FBXO31: variants seen among roughly 807,000 people sequenced by gnomAD.
FBXO31 encodes the protein F-box only protein 31.
In FBXO31, 24 loss-of-function variants were observed where a neutral mutation model predicts 54.4. That is an observed-to-expected ratio of 0.44 (90% CI 0.32 to 0.62). The LOEUF (loss-of-function observed/expected upper bound fraction) is 0.62. Ranked by LOEUF, FBXO31 falls within the 20% of genes least tolerant of loss-of-function variation. The probability of loss-of-function intolerance (pLI) is 0.05; values close to 1 mark genes in which losing one functional copy is unlikely to be tolerated. For synonymous variants in FBXO31, 388 were observed against 335.6 expected (o/e 1.16, Z -1.71); for missense variants, 665 against 787.1 (o/e 0.84, Z 1.86).
At position 87,383,486 on chromosome 16, in the gene FBXO31, G is replaced by C; in HGVS notation, c.259C>G (p.Leu87Val). The C allele has an allele frequency of 6.3e-7, 1 of 1,590,088 alleles. No individual in the cohort carries two copies. Among genetic ancestry groups the C allele is most frequent in the Non-Finnish European group, 8.5e-7 (1 of 1,171,790 alleles). ...EIFASLPGTDLPSLAQVCTKF... is the reference protein window; with the variant it reads ...EIFASLPGTDVPSLAQVCTKF... Reference sequence around the variant, plus strand: ...GTGCAGACCTGGGCCAAGCTGGGTAGGTCCGTGCCCGGCAGCGACGCGAAG... The same window carrying C: ...GTGCAGACCTGGGCCAAGCTGGGTACGTCCGTGCCCGGCAGCGACGCGAAG... The change falls in exon 1 of 9, where the codon CTA becomes GTA. Residue 87 changes from leucine to valine, a missense_variant. By Grantham distance (32) the Leu-to-Val change is conservative (BLOSUM62 1). Transcript: ENST00000311635. This position sits in a 1 kb window ranked among gnomAD's most constrained non-coding sequence, Gnocchi z 4.9.
intron 5 of FBXO31, among the ~76,000 whole-genome samples, chr16:87,342,028 A>G (rs1181631071): frequency 6.6e-6 from 1 of 152,158 alleles, no homozygotes; most frequent in Non-Finnish European, 1.5e-5. Flanking sequence ...CCTGGGCAAC[A>G]TGGCATAACC....
chr16:87,372,581 G>T (rs1233457642), intron 1 of FBXO31, among the ~76,000 whole-genome samples: 1 of 152,066 alleles, frequency 6.6e-6, no homozygotes, highest in Non-Finnish European at 1.5e-5. Context: ...TTTTTTTAGA[G>T]GTAGAGTCTC....
At position 87,345,101 on chromosome 16, in the gene FBXO31, G is replaced by A. The variant is rs1334009980; in HGVS notation, c.490-1336C>T. Among the ~76,000 whole-genome samples, 2 of 152,210 alleles carry A rather than the reference G, an allele frequency of 1.3e-5. No individual in the cohort carries two copies. The highest frequency in any genetic ancestry group is 2.4e-5 in the African/African-American group (1 of 41,458). ...ATGCATGCCAGGCCTGGAAGAACCTGTGCAGAGGCCACGGGGAGACAGACA... is the reference window on the plus strand; with the variant it reads ...ATGCATGCCAGGCCTGGAAGAACCTATGCAGAGGCCACGGGGAGACAGACA... On this transcript the variant is annotated intron_variant, in intron 3 of 8. Transcript: ENST00000311635. The surrounding 1 kb of genome is among the most constrained non-coding windows in gnomAD (Gnocchi z 4.9).
intron 5 of FBXO31, among the ~76,000 whole-genome samples, chr16:87,337,987 G>C (rs1660333287): frequency 6.6e-6 from 1 of 152,108 alleles, no homozygotes; most frequent in East Asian, 1.9e-4. Flanking sequence ...TTGAGGAAAG[G>C]CTCTTTAAAT....
At chr16:87,373,319 T>G (rs987737171) in intron 1 of FBXO31, among the ~76,000 whole-genome samples, 2 of 151,876 alleles carry the variant, frequency 1.3e-5, no homozygotes, top group Non-Finnish European at 2.9e-5. Context: ...GAGCATGGTG[T>G]CGGGTGCCTG....
rs1904707721 is a variant in FBXO31 at position 87,327,974 on chromosome 16, C to T, written c.*3314G>A. On this transcript the variant is annotated 3_prime_UTR_variant, in exon 9 of 9. Transcript: ENST00000311635. ...ACGGTGGACCACAGCTCAGCATCTC[C>T]TGTTCGCACCCAAGACCCCACGGCC... is the stretch of plus-strand genomic sequence containing the variant. 1 of 152,280 alleles carries T rather than the reference C, an allele frequency of 6.6e-6. No homozygotes were observed. The highest frequency in any genetic ancestry group is 6.5e-5 in the Admixed American group (1 of 15,276). The allele number at this position is 152,280 out of a possible 1,614,324, so 9.4% of individuals were successfully genotyped here.
chr16:87,375,369 G>A (rs534566562), intron 1 of FBXO31, among the ~76,000 whole-genome samples: 2 of 151,700 alleles, frequency 1.3e-5, no homozygotes, highest in South Asian at 4.2e-4. Flanking sequence ...GTGCATGTTT[G>A]TGATCCCAGC....
rs139896243 is a variant in FBXO31 at position 87,355,938 on chromosome 16, G to A, written c.412+4357C>T. Among the ~76,000 whole-genome samples, 602 of 152,340 alleles carry A rather than the reference G, an allele frequency of 4.0e-3. 7 individuals are homozygous for A. In the East Asian group the frequency reaches 0.042, roughly 11 times the overall value. On this transcript the variant is annotated intron_variant, in intron 2 of 8. Transcript: ENST00000311635. ...CCACAGTGCACATTCCAGAGAAATA[G>A]TGAGACAGACATGCGACATGAGGAG... is the stretch of plus-strand genomic sequence containing the variant.
At chr16:87,356,838 C>T (rs934558259) in intron 2 of FBXO31, among the ~76,000 whole-genome samples, 5 of 152,202 alleles carry the variant, frequency 3.3e-5, no homozygotes, top group Non-Finnish European at 5.9e-5. Context: ...GTAGGGGCTC[C>T]ACGAGCCTCT....
chr16:87,385,791 C>A, upstream of FBXO31, among the ~76,000 whole-genome samples: 1 of 152,090 alleles, frequency 6.6e-6, no homozygotes, highest in Non-Finnish European at 1.5e-5. Context: ...GGCAGATCAC[C>A]TGAGGTTGGG....
At chr16:87,347,276 C>T in intron 2 of FBXO31, 26 bp from the exon 3 acceptor site, 1 of 1,609,554 alleles carries the variant, frequency 6.2e-7, no homozygotes, top group Non-Finnish European at 8.5e-7. Context: ...AAGAGCAAGT[C>T]TCTGTGTTAG....
intron 1 of FBXO31, among the ~76,000 whole-genome samples, chr16:87,364,884 T>G (rs891151224): frequency 6.7e-6 from 1 of 150,076 alleles, no homozygotes; most frequent in African/African-American, 2.5e-5. Flanking sequence ...TAGCCAGGCA[T>G]GGTGGCACAC....
At chr16:87,388,153 G>A (rs1371774662), upstream of FBXO31, among the ~76,000 whole-genome samples, 2 of 152,190 alleles carry the variant, frequency 1.3e-5, no homozygotes, top group Admixed American at 6.5e-5. Context: ...AAACAGCTGC[G>A]GGTCGCGTGA....
At chr16:87,365,864 T>C (rs1266212213) in intron 1 of FBXO31, among the ~76,000 whole-genome samples, 4 of 152,010 alleles carry the variant, frequency 2.6e-5, no homozygotes, top group Middle Eastern at 3.4e-3. Flanking sequence ...CCGGTCTCTA[T>C]TGAAAATACA....
At position 87,335,460 on chromosome 16, in the gene FBXO31, G is replaced by T; in HGVS notation, c.843-3C>A. On this transcript the variant is annotated splice_region_variant and splice_polypyrimidine_tract_variant and intron_variant, in intron 6 of 8. Coordinates refer to ENST00000311635, the MANE Select transcript of FBXO31 (RefSeq NM_024735.5). The surrounding 1 kb of genome is among the most constrained non-coding windows in gnomAD (Gnocchi z 5.7). ...TGCGGCGGTAGGTCAGGCAGTTGCT[G>T]TGGGGAGCGGACGGGTCAGTACAGG... The T allele has an allele frequency of 6.2e-7, 1 of 1,611,794 alleles. No individual in the cohort carries two copies. Among genetic ancestry groups the T allele is most frequent in the Non-Finnish European group, 8.5e-7 (1 of 1,179,648 alleles).
chr16:87,357,283 G>C (rs1184749180), intron 2 of FBXO31, among the ~76,000 whole-genome samples: 1 of 149,712 alleles, frequency 6.7e-6, no homozygotes, highest in Non-Finnish European at 1.5e-5. Flanking sequence ...TCCTATAACT[G>C]TGGCTTAGAA....
chr16:87,382,155 T>G (rs942632143), intron 1 of FBXO31, among the ~76,000 whole-genome samples: 1 of 151,798 alleles, frequency 6.6e-6, no homozygotes, highest in Non-Finnish European at 1.5e-5. Flanking sequence ...ATGGAAAAAA[T>G]GCAGACTTCA....
At chr16:87,391,929 A>G (rs1447233167), upstream of FBXO31, 1 of 153,268 alleles carries the variant, frequency 6.5e-6, no homozygotes, top group East Asian at 1.9e-4. Flanking sequence ...GATTTGCCCC[A>G]TGTCCCTTCC....
chr16:87,371,577 C>T lies in FBXO31; in HGVS notation c.341-11211G>A, dbSNP rs544907691. On this transcript the variant is annotated intron_variant, in intron 1 of 8. Coordinates refer to ENST00000311635, the MANE Select transcript of FBXO31 (RefSeq NM_024735.5). ...CCATCACCCCGGTGGCCAGGGACGG[C>T]GTTCCTGTCAAAGGACGCTGACCCA... 2.0e-4 allele frequency among the ~76,000 whole-genome samples: 31 copies of T among 152,376 alleles called. No homozygotes were observed. The Middle Eastern group carries it at 0.01, about 50-fold the overall frequency.
Sources: gnomAD v4.1 joint callset for allele counts (sites outside exome capture counted in the v4.1 genomes callset) on GRCh38, gnomAD v4.1.1 for gene constraint, Gnocchi (gnomAD v3.1) non-coding constraint, MANE v1.5 for transcripts, NCBI Gene and HGNC (gene_info 2026-07-23, HGNC 2026-07-21) for gene names.